Variants in CAMSAP1 observed in about 807,000 individuals in gnomAD.
CAMSAP1 encodes calmodulin regulated spectrin associated protein 1.
A neutral mutation model predicts 143.5 loss-of-function variants in CAMSAP1; 58 were observed. That is an observed-to-expected ratio of 0.40 (90% confidence interval 0.33 to 0.50). CAMSAP1 has a LOEUF of 0.50. Ranked by LOEUF, CAMSAP1 falls within the 20% of genes least tolerant of loss-of-function variation. The probability of loss-of-function intolerance (pLI) is 0.45; values close to 1 mark genes in which losing one functional copy is unlikely to be tolerated. For missense variants in CAMSAP1, 1,969 were observed against 2,115.7 expected, an observed-to-expected ratio of 0.93 and a Z score of 1.36; for synonymous variants, 945 against 859.3, an observed-to-expected ratio of 1.10 and a Z score of -1.74.
chr9:135,865,027 G>A (rs1378674147), intron 4 of CAMSAP1, among the ~76,000 whole-genome samples: 3 of 152,124 alleles, frequency 2.0e-5, no homozygotes, highest in Non-Finnish European at 2.9e-5. Context: ...TGGGCAACTA[G>A]ACCACTTCTC....
chr9:135,902,742 G>A (rs1838654334), intron 1 of CAMSAP1, among the ~76,000 whole-genome samples: 1 of 150,860 alleles, frequency 6.6e-6, no homozygotes, highest in Admixed American at 6.6e-5. Context: ...TTCCAAATCA[G>A]TAGTTCGAAT....
intron 3 of CAMSAP1, among the ~76,000 whole-genome samples, chr9:135,871,943 A>G (rs994771040): frequency 6.6e-6 from 1 of 152,082 alleles, no homozygotes; most frequent in Non-Finnish European, 1.5e-5. Flanking sequence ...TCTCTACTAA[A>G]AATATAAAAT....
Position 135,821,152 on chromosome 9 carries a change from C to G in CAMSAP1, c.3509G>C (p.Arg1170Thr). 6.2e-7 allele frequency: 1 copy of G among 1,612,270 alleles called. No homozygotes were observed. The highest frequency in any genetic ancestry group is 1.1e-5 in the South Asian group (1 of 91,086). ...PHGKCLFDSY[R>T]LHDESNQRTL... Reference sequence around the variant, plus strand: ...CCGCTGATTGCTTTCATCATGGAGCCTGTAACTGTCGAAGAGACACTTCCC... The same window carrying G: ...CCGCTGATTGCTTTCATCATGGAGCGTGTAACTGTCGAAGAGACACTTCCC... Residue 1170 changes from arginine to threonine, a missense_variant, in exon 11 of 17, where the codon AGG becomes ACG. By Grantham distance (71) the Arg-to-Thr change is moderately conservative (BLOSUM62 -1). Transcript: ENST00000389532. The surrounding 1 kb of genome is among the most constrained non-coding windows in gnomAD (Gnocchi z 4.6).
chr9:135,850,049 G>A lies in CAMSAP1; in HGVS notation c.1045+88C>T. 4.6e-6 allele frequency: 5 copies of A among 1,087,354 alleles called. No homozygotes were observed. The South Asian group carries it at 4.7e-5, about 10-fold the overall frequency. The allele number at this position is 1,087,354 out of a possible 1,614,324, so 67.4% of individuals were successfully genotyped here. The stretch of plus-strand genomic sequence containing the variant: ...GGCTCTTCCAAGAACTCTGCTGTGC[G>A]AGAAACATGGAACCACTGGAGAGTG... On this transcript the variant is annotated intron_variant, in intron 7 of 16. Transcript: ENST00000389532.
In CAMSAP1 at chr9:135,821,932, A is replaced by T; in HGVS notation, c.2729T>A (p.Leu910His). ...EALSARQRLK[L>H]GKAAFLHVVK... ...CACATGCAGGAATGCAGCCTTGCCGAGCTTCAGGCGCTGCCTTGCCGACAG... is the reference window on the plus strand; with the variant it reads ...CACATGCAGGAATGCAGCCTTGCCGTGCTTCAGGCGCTGCCTTGCCGACAG... Residue 910 changes from leucine to histidine, a missense_variant, in exon 11 of 17, where the codon CTC becomes CAC. Leu to His is a moderately conservative substitution (Grantham distance 99, BLOSUM62 -3). Coordinates refer to ENST00000389532, the MANE Select transcript of CAMSAP1 (RefSeq NM_015447.4). This position sits in a 1 kb window ranked among gnomAD's most constrained non-coding sequence, Gnocchi z 4.6. 1 of 1,612,880 alleles carries T rather than the reference A, an allele frequency of 6.2e-7. No homozygotes were observed. Among genetic ancestry groups the T allele is most frequent in the Non-Finnish European group, 8.5e-7 (1 of 1,179,578 alleles).
chr9:135,846,232 C>G (rs1018688954), intron 7 of CAMSAP1, among the ~76,000 whole-genome samples: 1 of 152,106 alleles, frequency 6.6e-6, no homozygotes, highest in Non-Finnish European at 1.5e-5. Context: ...TGCCACACAC[C>G]TACAACCATC....
At chr9:135,892,759 G>A (rs1472232486) in intron 1 of CAMSAP1, among the ~76,000 whole-genome samples, 59 of 145,176 alleles carry the variant, frequency 4.1e-4, no homozygotes, top group Non-Finnish European at 6.0e-5. Flanking sequence ...GCTGAGGCAG[G>A]AGAATCTCTT....
At chr9:135,861,097 C>T (rs1837169757) in intron 5 of CAMSAP1, among the ~76,000 whole-genome samples, 2 of 152,216 alleles carry the variant, frequency 1.3e-5, no homozygotes, top group South Asian at 4.1e-4. Context: ...TCTGTCAGGC[C>T]TCCTCAGTTC....
At chr9:135,886,021 T>C (rs1453579595) in intron 1 of CAMSAP1, among the ~76,000 whole-genome samples, 1 of 151,976 alleles carries the variant, frequency 6.6e-6, no homozygotes, top group Non-Finnish European at 1.5e-5. Context: ...ATGTGCACAG[T>C]TCTAGAACGT....
At position 135,818,706 on chromosome 9, in the gene CAMSAP1, G is replaced by C. The variant is rs1835331886; in HGVS notation, c.3960-90C>G. ...GGCGCTCTGTCCAGGCGCGTTTCTCGGGTTCTCCCCGGCCGCTGGGACCAA... is the reference window on the plus strand; with the variant it reads ...GGCGCTCTGTCCAGGCGCGTTTCTCCGGTTCTCCCCGGCCGCTGGGACCAA... On this transcript the variant is annotated intron_variant, in intron 12 of 16. Transcript: ENST00000389532. This position sits in a 1 kb window ranked among gnomAD's most constrained non-coding sequence, Gnocchi z 7.7. 2.1e-6 allele frequency: 3 copies of C among 1,435,682 alleles called. No homozygotes were observed. The highest frequency in any genetic ancestry group is 1.4e-5 in the African/African-American group (1 of 70,614). The allele number at this position is 1,435,682 out of a possible 1,614,324, so 88.9% of individuals were successfully genotyped here.
chr9:135,884,553 T>C (rs368083020), intron 1 of CAMSAP1, among the ~76,000 whole-genome samples: 12 of 152,234 alleles, frequency 7.9e-5, no homozygotes, highest in African/African-American at 2.7e-4. Context: ...GATTAGGTCA[T>C]CACGGCAACC....
intron 3 of CAMSAP1, among the ~76,000 whole-genome samples, chr9:135,866,959 T>C (rs1253079289): frequency 1.3e-5 from 2 of 152,184 alleles, no homozygotes; most frequent in African/African-American, 2.4e-5. Flanking sequence ...TCCCAGACCA[T>C]GCAAAAATCA....
In CAMSAP1 at chr9:135,824,115, G is replaced by C; in HGVS notation, c.1316-81C>G. On this transcript the variant is annotated intron_variant, in intron 9 of 16. Coordinates refer to ENST00000389532, the MANE Select transcript of CAMSAP1 (RefSeq NM_015447.4). The surrounding 1 kb of genome is among the most constrained non-coding windows in gnomAD (Gnocchi z 4.1). Reference sequence around the variant, plus strand: ...TTCTTTCAATATGACCATTTGTCCAGAAAAATGCCTCTCAAGTCAGTACAC... The same window carrying C: ...TTCTTTCAATATGACCATTTGTCCACAAAAATGCCTCTCAAGTCAGTACAC... 7.9e-7 allele frequency: 1 copy of C among 1,264,770 alleles called. No homozygotes were observed. The highest frequency in any genetic ancestry group is 1.1e-6 in the Non-Finnish European group (1 of 887,662). The allele number at this position is 1,264,770 out of a possible 1,614,324, so 78.3% of individuals were successfully genotyped here.
rs1838823764 is a variant in CAMSAP1 at position 135,907,461 on chromosome 9, G to A, written c.-302C>T. On this transcript the variant is annotated 5_prime_UTR_variant, in exon 1 of 17. Coordinates refer to ENST00000389532, the MANE Select transcript of CAMSAP1 (RefSeq NM_015447.4). ...GCGCGGGGGCGGGAGCGGGCCGGGG[G>A]CGGTGGCAGCGCGTGCGCGGTCCCG... Among the ~76,000 whole-genome samples, 1 of 146,484 alleles carries A rather than the reference G, an allele frequency of 6.8e-6. No individual in the cohort carries two copies. The highest frequency in any genetic ancestry group is 1.5e-5 in the Non-Finnish European group (1 of 65,902).
chr9:135,866,015 G>A (rs539519616), intron 4 of CAMSAP1, among the ~76,000 whole-genome samples: 1 of 152,238 alleles, frequency 6.6e-6, no homozygotes, highest in African/African-American at 2.4e-5. Context: ...TACTTCAGTA[G>A]GCACGTAGGG....
chr9:135,848,413 C>T (rs1235921937), intron 7 of CAMSAP1, among the ~76,000 whole-genome samples: 2 of 152,052 alleles, frequency 1.3e-5, no homozygotes, highest in Non-Finnish European at 2.9e-5. Context: ...AAAGCAAAAT[C>T]GAGGTAACCA....
intron 11 of CAMSAP1, among the ~76,000 whole-genome samples, chr9:135,819,443 A>T (rs1194164811): frequency 6.6e-6 from 1 of 152,134 alleles, no homozygotes; most frequent in African/African-American, 2.4e-5. Context: ...TCATTCCTGT[A>T]ATCCCAGCAC....
intron 5 of CAMSAP1, among the ~76,000 whole-genome samples, chr9:135,857,745 T>C (rs772315184): frequency 6.6e-6 from 1 of 152,182 alleles, no homozygotes; most frequent in African/African-American, 2.4e-5. Flanking sequence ...CTTCCCTGTG[T>C]TGCATGTGGG....
intron 7 of CAMSAP1, among the ~76,000 whole-genome samples, chr9:135,830,386 A>G (rs1186260439): frequency 6.6e-6 from 1 of 152,246 alleles, no homozygotes; most frequent in Non-Finnish European, 1.5e-5. Context: ...ACGCATGCAA[A>G]TGGTAACCCA....
Sources: gnomAD v4.1 joint callset for allele counts (sites outside exome capture counted in the v4.1 genomes callset) on GRCh38, gnomAD v4.1.1 for gene constraint, Gnocchi (gnomAD v3.1) non-coding constraint, MANE v1.5 for transcripts, NCBI Gene and HGNC (gene_info 2026-07-23, HGNC 2026-07-21) for gene names.